The following STAU2 variants were observed in gnomAD, a reference collection of about 807,000 sequenced individuals.
The protein encoded by STAU2 is double-stranded RNA-binding protein Staufen homolog 2.
Under a neutral mutation model 65.9 loss-of-function variants are expected in STAU2, and 20 were observed. That is an observed-to-expected ratio of 0.30 (90% confidence interval 0.21 to 0.44). The LOEUF is 0.44. STAU2 is among the 20% of genes least tolerant of loss of function. STAU2 has a pLI of 1.00. For missense variants in STAU2, 558 were observed against 683.9 expected (o/e 0.82, Z 2.05); for synonymous variants, 232 against 233.9 (o/e 0.99, Z 0.07).
In STAU2 at chr8:73,683,933, C is replaced by A. The variant is rs189707502; in HGVS notation, c.274+4721G>T. 1.5e-3 allele frequency among the ~76,000 whole-genome samples: 227 copies of A among 152,212 alleles called. 2 individuals are homozygous for A. Among genetic ancestry groups the A allele is most frequent in the Admixed American group, 0.012 (187 of 15,278 alleles). On this transcript the variant is annotated intron_variant, in intron 5 of 14. Coordinates refer to ENST00000524300, the MANE Select transcript of STAU2 (RefSeq NM_001164380.2). ...GGAAAGAACTCTACGACAAAAACTA[C>A]AAAACACTGCTGAAAGAAATCATAG...
chr8:73,453,786 T>A (rs2383906), intron 13 of STAU2, among the ~76,000 whole-genome samples: 101,528 of 151,068 alleles, frequency 0.67, 34,443 homozygotes, highest in East Asian at 0.91. Context: ...ATCTTTTTTT[T>A]AAAAAAAAAA....
intron 2 of STAU2, among the ~76,000 whole-genome samples, chr8:73,738,842 T>C (rs1806628659): frequency 6.6e-6 from 1 of 152,244 alleles, no homozygotes; most frequent in African/African-American, 2.4e-5. Context: ...ACACCACAAG[T>C]ATTCTCTTAG....
At chr8:73,674,165 G>A (rs1459019733) in intron 5 of STAU2, among the ~76,000 whole-genome samples, 3 of 148,918 alleles carry the variant, frequency 2.0e-5, no homozygotes, top group Non-Finnish European at 4.4e-5. Flanking sequence ...AATGGAAGCT[G>A]TATGTCTCTG....
chr8:73,661,535 A>G (rs1221710281), intron 6 of STAU2, among the ~76,000 whole-genome samples: 1 of 152,202 alleles, frequency 6.6e-6, no homozygotes, highest in African/African-American at 2.4e-5. Flanking sequence ...TCATATTAAC[A>G]ATCACCAAAA....
At chr8:73,502,491 C>T (rs926362821) in intron 13 of STAU2, among the ~76,000 whole-genome samples, 17 of 152,022 alleles carry the variant, frequency 1.1e-4, no homozygotes, top group Non-Finnish European at 2.2e-4. Flanking sequence ...AAGATCAACC[C>T]TATACCTCAA....
At chr8:73,634,294 C>T (rs1352658388) in intron 6 of STAU2, among the ~76,000 whole-genome samples, 1 of 151,840 alleles carries the variant, frequency 6.6e-6, no homozygotes, top group Non-Finnish European at 1.5e-5. Context: ...CCTGCGTTGG[C>T]CGGGGTGGGC....
At chr8:73,564,332 T>C (rs1808446164) in intron 12 of STAU2, among the ~76,000 whole-genome samples, 2 of 152,232 alleles carry the variant, frequency 1.3e-5, no homozygotes, top group African/African-American at 2.4e-5. Flanking sequence ...ATCATGTCCT[T>C]TGCAGGGACA....
chr8:73,668,843 T>A, intron 6 of STAU2: 1 of 454,634 alleles, frequency 2.2e-6, no homozygotes, highest in Non-Finnish European at 3.9e-6. Context: ...CAGTTCTTCT[T>A]AGGCCTTTGA....
intron 6 of STAU2, among the ~76,000 whole-genome samples, chr8:73,638,458 A>T (rs1165840036): frequency 6.6e-6 from 1 of 151,502 alleles, no homozygotes; most frequent in African/African-American, 2.4e-5. Context: ...AGTTGTACCA[A>T]CTAAATCTAG....
chr8:73,673,050 C>T, intron 6 of STAU2, 57 bp downstream of exon 6: 1 of 1,420,566 alleles, frequency 7.0e-7, no homozygotes, highest in South Asian at 1.7e-5. Context: ...GTGTGAGAAA[C>T]TTTTATAACA....
chr8:73,479,472 G>GCACA (rs5892420), intron 13 of STAU2, among the ~76,000 whole-genome samples: 3,677 of 139,922 alleles, frequency 0.026, 159 homozygotes, highest in African/African-American at 0.092. Context: ...TCCCTATTCT[G>GCACA]CACACACACA....
At chr8:73,745,160 C>G (rs968451026) in intron 1 of STAU2, among the ~76,000 whole-genome samples, 4 of 152,212 alleles carry the variant, frequency 2.6e-5, no homozygotes, top group Non-Finnish European at 5.9e-5. Flanking sequence ...CACAAACACA[C>G]CAGATAGTTT....
intron 2 of STAU2, among the ~76,000 whole-genome samples, chr8:73,738,712 T>C (rs1346005128): frequency 6.6e-6 from 1 of 152,170 alleles, no homozygotes; most frequent in African/African-American, 2.4e-5. Context: ...AGTGAAGCTG[T>C]TAAAAATAAA....
intron 13 of STAU2, among the ~76,000 whole-genome samples, chr8:73,463,743 A>T (rs1392599245): frequency 6.6e-6 from 1 of 152,236 alleles, no homozygotes; most frequent in African/African-American, 2.4e-5. Context: ...ATCTGGAATG[A>T]ATAAATTTCA....
At chr8:73,588,441 C>A (rs1415759012) in intron 11 of STAU2, among the ~76,000 whole-genome samples, 1 of 152,228 alleles carries the variant, frequency 6.6e-6, no homozygotes, top group Non-Finnish European at 1.5e-5. Context: ...CTCAGAAGGA[C>A]AACTGGGGCT....
intron 6 of STAU2, 182 bp downstream of exon 6, chr8:73,672,915 ACTAGTTCCTG>A: frequency 2.2e-6 from 1 of 446,316 alleles, no homozygotes; most frequent in Non-Finnish European, 3.6e-6. Flanking sequence ...AAAAAAAAAA[ACTAGTTCCTG>A]AAAACTGGGT....
chr8:73,458,245 A>G (rs566751637), intron 13 of STAU2, among the ~76,000 whole-genome samples: 9 of 152,294 alleles, frequency 5.9e-5, no homozygotes, highest in African/African-American at 1.7e-4. Flanking sequence ...CACCATTATG[A>G]TTTTCCTCAT....
At chr8:73,470,435 A>G (rs1819924854) in intron 13 of STAU2, among the ~76,000 whole-genome samples, 1 of 152,174 alleles carries the variant, frequency 6.6e-6, no homozygotes, top group Non-Finnish European at 1.5e-5. Context: ...TGCACAGAAG[A>G]AAGGGATTAT....
chr8:73,523,311 G>A (rs1563400588), intron 13 of STAU2, among the ~76,000 whole-genome samples: 1 of 151,922 alleles, frequency 6.6e-6, no homozygotes, highest in Non-Finnish European at 1.5e-5. Context: ...CCAAGGTGGA[G>A]CCAACACACC....
Sources: gnomAD v4.1 joint callset for allele counts (sites outside exome capture counted in the v4.1 genomes callset) on GRCh38, gnomAD v4.1.1 for gene constraint, MANE v1.5 for transcripts, NCBI Gene and HGNC (gene_info 2026-07-23, HGNC 2026-07-21) for gene names.